SLC2A12: variants seen among roughly 807,000 people sequenced by gnomAD.
SLC2A12 encodes the protein solute carrier family 2 member 12.
Under a neutral mutation model 41.8 loss-of-function variants are expected in SLC2A12, and 23 were observed. That is an observed-to-expected ratio of 0.55 (90% CI 0.40 to 0.78). The LOEUF is 0.78. SLC2A12 is among the 30% of genes least tolerant of loss of function. SLC2A12 has a pLI of 0.00. For missense variants in SLC2A12, 654 were observed against 745.6 expected, an observed-to-expected ratio of 0.88 and a Z score of 1.43; for synonymous variants, 295 against 285.9, an observed-to-expected ratio of 1.03 and a Z score of -0.32.
chr6:134,023,940 G>A (rs1004398055), intron 2 of SLC2A12, among the ~76,000 whole-genome samples: 23 of 152,188 alleles, frequency 1.5e-4, no homozygotes, highest in Admixed American at 3.9e-4. Flanking sequence ...CTTCCCCTGG[G>A]TAGCTCTGGA....
intron 2 of SLC2A12, among the ~76,000 whole-genome samples, chr6:134,016,715 A>T (rs1219631198): frequency 2.0e-5 from 3 of 152,184 alleles, no homozygotes; most frequent in Non-Finnish European, 4.4e-5. Flanking sequence ...ATGGGGTAAA[A>T]TCTCAGCCCC....
At chr6:134,037,233 C>A (rs1777315341) in intron 1 of SLC2A12, among the ~76,000 whole-genome samples, 2 of 145,390 alleles carry the variant, frequency 1.4e-5, no homozygotes, top group African/African-American at 2.6e-5. Flanking sequence ...CGGCTCACTG[C>A]AACCTCTGCC....
intron 1 of SLC2A12, among the ~76,000 whole-genome samples, chr6:134,045,396 C>T (rs1205084305): frequency 6.6e-6 from 1 of 152,170 alleles, no homozygotes; most frequent in Non-Finnish European, 1.5e-5. Context: ...AATATCTGTG[C>T]TACCCAAGAC....
intron 2 of SLC2A12, among the ~76,000 whole-genome samples, chr6:134,008,749 T>C (rs1426719425): frequency 6.6e-6 from 1 of 152,158 alleles, no homozygotes. Context: ...AAATCCGATT[T>C]TGAAGCTAAA....
intron 4 of SLC2A12, among the ~76,000 whole-genome samples, chr6:133,997,539 T>G (rs1020061506): frequency 1.3e-5 from 2 of 152,192 alleles, no homozygotes; most frequent in African/African-American, 4.8e-5. Context: ...TTAAGTGAAC[T>G]AATGTAGAAA....
chr6:133,993,145 A>C (rs1321252705), intron 4 of SLC2A12, among the ~76,000 whole-genome samples: 1 of 152,100 alleles, frequency 6.6e-6, no homozygotes, highest in Non-Finnish European at 1.5e-5. Flanking sequence ...TAAGTTTGGC[A>C]CAAAACTGGG....
chr6:134,052,293 A>ACACACACACACACACG, intron 1 of SLC2A12, 85 bp downstream of exon 1: 1 of 1,118,370 alleles, frequency 8.9e-7, no homozygotes, highest in South Asian at 1.4e-5. Flanking sequence ...ACACACACAC[A>ACACACACACACACACG]CACGGGACTC....
chr6:134,014,328 G>A (rs1776927598), intron 2 of SLC2A12, among the ~76,000 whole-genome samples: 2 of 152,128 alleles, frequency 1.3e-5, no homozygotes, highest in African/African-American at 4.8e-5. Context: ...CTCCTGCTGT[G>A]CAGCCGGGTT....
chr6:133,997,591 C>A (rs1327417813), intron 4 of SLC2A12, among the ~76,000 whole-genome samples: 1 of 152,032 alleles, frequency 6.6e-6, no homozygotes, highest in African/African-American at 2.4e-5. Flanking sequence ...TAAGTGGGAG[C>A]TAAACATTGG....
chr6:134,013,912 G>C (rs1292658739), intron 2 of SLC2A12, among the ~76,000 whole-genome samples: 1 of 152,198 alleles, frequency 6.6e-6, no homozygotes, highest in African/African-American at 2.4e-5. Flanking sequence ...GTAGTAACAA[G>C]TGTGCTTTCT....
At chr6:134,018,519 T>C (rs2114455309) in intron 2 of SLC2A12, among the ~76,000 whole-genome samples, 1 of 152,220 alleles carries the variant, frequency 6.6e-6, no homozygotes, top group African/African-American at 2.4e-5. Context: ...CCATCTGACC[T>C]GCCATTAGCC....
intron 1 of SLC2A12, among the ~76,000 whole-genome samples, chr6:134,040,058 G>GTTTTTTTTTTTTTTTTTTTTT (rs11371413): frequency 7.2e-6 from 1 of 139,332 alleles, no homozygotes. Flanking sequence ...GTTGTTTTTT[G>GTTTTTTTTTTTTTTTTTTTTT]TTTTTTTTTT....
Position 133,991,288 on chromosome 6 carries a change from A to T in SLC2A12, c.1721T>A (p.Ile574Asn). 6.2e-7 allele frequency: 1 copy of T among 1,613,402 alleles called. No homozygotes were observed. Among genetic ancestry groups the T allele is most frequent in the Non-Finnish European group, 8.5e-7 (1 of 1,179,866 alleles). Reference sequence around the variant, plus strand: ...TTCTTGGTGATGACTCATAAAACAAATGTTGTTTTTCACATAGTTCCTGAA... The same window carrying T: ...TTCTTGGTGATGACTCATAAAACAATTGTTGTTTTTCACATAGTTCCTGAA... ...LAKVNYVKNN[I>N]CFMSHHQEEL... The change falls in exon 5 of 5, where the codon ATT becomes AAT. Residue 574 changes from isoleucine (I) to asparagine (N), a missense_variant. This residue lies in a region of SLC2A12 where 134 missense variants were observed against 180.5 expected (regional missense o/e 0.74). Transcript: ENST00000275230.
At chr6:134,032,446 A>ATT (rs1562201670) in intron 1 of SLC2A12, among the ~76,000 whole-genome samples, 14 of 46,438 alleles carry the variant, frequency 3.0e-4, no homozygotes, top group African/African-American at 1.3e-3. Context: ...ATATATATAT[A>ATT]TAAATATATA....
At chr6:134,027,544 A>AATAGAGGC (rs770172687) in intron 2 of SLC2A12, among the ~76,000 whole-genome samples, 2,369 of 152,260 alleles carry the variant, frequency 0.016, 54 homozygotes, top group African/African-American at 0.053. Flanking sequence ...AGGTGGGGGT[A>AATAGAGGC]ATAGAGGCTA....
chr6:134,038,994 C>T (rs1424417135), intron 1 of SLC2A12, among the ~76,000 whole-genome samples: 4 of 152,216 alleles, frequency 2.6e-5, no homozygotes, highest in African/African-American at 9.6e-5. Flanking sequence ...CGTGAGCTAT[C>T]GCACCCAGCC....
At chr6:134,043,532 C>T (rs1777413059) in intron 1 of SLC2A12, among the ~76,000 whole-genome samples, 1 of 152,098 alleles carries the variant, frequency 6.6e-6, no homozygotes, top group Admixed American at 6.5e-5. Flanking sequence ...CAGTGGCTCA[C>T]ACGTGCAATC....
rs187773275 is a variant in SLC2A12 at position 133,998,690 on chromosome 6, G to C, written c.1700+3307C>G. ...TGAGTGGCTGGGACTACAGGCGCAA[G>C]CCACCATGCCCAGCTAATATTTTGT... On this transcript the variant is annotated intron_variant, in intron 4 of 4. Transcript: ENST00000275230. Among the ~76,000 whole-genome samples the C allele has an allele frequency of 3.4e-3, 525 of 152,312 alleles. 1 individual carries two copies. The highest frequency in any genetic ancestry group is 0.012 in the African/African-American group (495 of 41,580).
chr6:134,035,937 A>G (rs1469629338), intron 1 of SLC2A12, among the ~76,000 whole-genome samples: 1 of 152,240 alleles, frequency 6.6e-6, no homozygotes, highest in African/African-American at 2.4e-5. Flanking sequence ...AGCCACCACC[A>G]CAATAGCTGC....
Sources: gnomAD v4.1 joint callset for allele counts (sites outside exome capture counted in the v4.1 genomes callset) on GRCh38, gnomAD v4.1.1 for gene constraint, gnomAD v4.1.1 regional missense constraint, MANE v1.5 for transcripts, NCBI Gene and HGNC (gene_info 2026-07-23, HGNC 2026-07-21) for gene names.